RPS6KC1: variants seen among roughly 807,000 people sequenced by gnomAD.
RPS6KC1 encodes the protein ribosomal protein S6 kinase C1.
RPS6KC1 carries 54 observed loss-of-function variants against 103.8 expected under a neutral mutation model. The observed-to-expected ratio is 0.52, with a 90% CI of 0.42 to 0.65. The LOEUF is 0.65. RPS6KC1 is among the 30% of genes least tolerant of loss of function. The pLI is 0.00. For missense variants in RPS6KC1, 1,151 were observed against 1,253.8 expected, an observed-to-expected ratio of 0.92 and a Z score of 1.24; for synonymous variants, 439 against 438.7, an observed-to-expected ratio of 1.00 and a Z score of -0.01.
chr1:213,470,758 CTA>C, the RPS6KC1 span, among the ~76,000 whole-genome samples: 1 of 151,604 alleles, frequency 6.6e-6, no homozygotes, highest in Non-Finnish European at 1.5e-5. Context: ...GTAGTTGAGA[CTA>C]TGGGCATGTG....
the RPS6KC1 span, among the ~76,000 whole-genome samples, chr1:213,828,732 A>G: frequency 1.3e-5 from 2 of 152,182 alleles, no homozygotes; most frequent in African/African-American, 4.8e-5. Context: ...AGAGATGAAG[A>G]CACTTGCCCG....
the RPS6KC1 span, among the ~76,000 whole-genome samples, chr1:213,692,984 G>A: frequency 2.0e-5 from 3 of 152,138 alleles, no homozygotes; most frequent in Non-Finnish European, 2.9e-5. Flanking sequence ...TAGTTCCTGG[G>A]CCAGTCCTGG....
the RPS6KC1 span, among the ~76,000 whole-genome samples, chr1:213,590,159 G>T: frequency 2.0e-5 from 3 of 152,274 alleles, no homozygotes; most frequent in African/African-American, 7.2e-5. Context: ...TTTACGTCTA[G>T]GGAATGTAAA....
chr1:213,520,177 T>A, the RPS6KC1 span, among the ~76,000 whole-genome samples: 1 of 152,182 alleles, frequency 6.6e-6, no homozygotes, highest in Non-Finnish European at 1.5e-5. Flanking sequence ...TAAAGACATG[T>A]CTGAGACTGG....
At chr1:213,101,256 T>C (rs1443880774) in intron 3 of RPS6KC1, among the ~76,000 whole-genome samples, 4 of 152,206 alleles carry the variant, frequency 2.6e-5, no homozygotes, top group Non-Finnish European at 4.4e-5. Flanking sequence ...GTTCATGTCC[T>C]TTGCCCACTT....
chr1:213,396,023 T>G, the RPS6KC1 span, among the ~76,000 whole-genome samples: 1 of 152,032 alleles, frequency 6.6e-6, no homozygotes, highest in African/African-American at 2.4e-5. Flanking sequence ...AGGAGAGAAA[T>G]GGCATTGGCA....
chr1:213,577,037 G>T, the RPS6KC1 span, among the ~76,000 whole-genome samples: 1 of 152,186 alleles, frequency 6.6e-6, no homozygotes, highest in Non-Finnish European at 1.5e-5. Context: ...AAAGGCCATT[G>T]ATATGGTTTG....
At chr1:213,666,739 A>G in the RPS6KC1 span, among the ~76,000 whole-genome samples, 1 of 152,208 alleles carries the variant, frequency 6.6e-6, no homozygotes, top group African/African-American at 2.4e-5. Flanking sequence ...CAAAACCAAA[A>G]CAAGCCTGCT....
At chr1:213,201,857 G>A (rs1182440826) in intron 8 of RPS6KC1, among the ~76,000 whole-genome samples, 2 of 152,176 alleles carry the variant, frequency 1.3e-5, no homozygotes, top group Non-Finnish European at 2.9e-5. Context: ...TATAGTTGAT[G>A]TTAAAATTTT....
the RPS6KC1 span, among the ~76,000 whole-genome samples, chr1:213,850,524 C>T: frequency 1.3e-5 from 2 of 152,226 alleles, no homozygotes; most frequent in African/African-American, 4.8e-5. Flanking sequence ...AGGCCATCTA[C>T]AGTCTGACAT....
At chr1:213,680,308 C>T in the RPS6KC1 span, among the ~76,000 whole-genome samples, 28 of 152,300 alleles carry the variant, frequency 1.8e-4, no homozygotes, top group Middle Eastern at 3.4e-3. Flanking sequence ...AAAAACAGCA[C>T]GAGATGTGAA....
chr1:213,763,209 C>T, the RPS6KC1 span, among the ~76,000 whole-genome samples: 1 of 152,128 alleles, frequency 6.6e-6, no homozygotes, highest in African/African-American at 2.4e-5. Context: ...GAAGCTGCCT[C>T]TGGGAGTTCT....
chr1:213,482,537 G>T, the RPS6KC1 span, among the ~76,000 whole-genome samples: 1 of 108,196 alleles, frequency 9.2e-6, no homozygotes, highest in African/African-American at 3.1e-5. Flanking sequence ...AACCTAACTT[G>T]AGGTTTTTTT....
At chr1:213,698,179 C>A in the RPS6KC1 span, among the ~76,000 whole-genome samples, 1 of 152,208 alleles carries the variant, frequency 6.6e-6, no homozygotes, top group East Asian at 1.9e-4. Context: ...ACATTGAGGA[C>A]TATCTGTAAT....
At chr1:213,438,657 T>G in the RPS6KC1 span, among the ~76,000 whole-genome samples, 1 of 152,196 alleles carries the variant, frequency 6.6e-6, no homozygotes, top group Admixed American at 6.5e-5. Context: ...AGCCATTTAA[T>G]ACCTATTTTC....
the RPS6KC1 span, among the ~76,000 whole-genome samples, chr1:213,300,102 G>A: frequency 3.7e-4 from 57 of 152,296 alleles, no homozygotes; most frequent in African/African-American, 1.1e-3. Flanking sequence ...ACCGCACCCC[G>A]CCGCTAAATT....
At chr1:213,209,037 C>T (rs1174644783) in intron 8 of RPS6KC1, among the ~76,000 whole-genome samples, 1 of 151,924 alleles carries the variant, frequency 6.6e-6, no homozygotes, top group African/African-American at 2.4e-5. Flanking sequence ...CTTGGTTCTT[C>T]CCCTTCTGGA....
chr1:213,599,081 G>T, the RPS6KC1 span, among the ~76,000 whole-genome samples: 90,819 of 151,866 alleles, frequency 0.6, 28,637 homozygotes, highest in Non-Finnish European at 0.69. Context: ...CAAATTTCAC[G>T]CAATCAAAAT....
At chr1:213,299,900 G>C in the RPS6KC1 span, among the ~76,000 whole-genome samples, 1 of 152,154 alleles carries the variant, frequency 6.6e-6, no homozygotes, top group Non-Finnish European at 1.5e-5. Context: ...CGCCTCCCGT[G>C]TTCACACCAT....
Sources: gnomAD v4.1 joint callset for allele counts (sites outside exome capture counted in the v4.1 genomes callset) on GRCh38, gnomAD v4.1.1 for gene constraint, MANE v1.5 for transcripts, NCBI Gene and HGNC (gene_info 2026-07-23, HGNC 2026-07-21) for gene names.